The following KIT variants were observed in gnomAD, a reference collection of about 807,000 sequenced individuals.
KIT encodes the protein KIT proto-oncogene, receptor tyrosine kinase, also known as mast/stem cell growth factor receptor Kit.
Under a neutral mutation model 105.7 loss-of-function variants are expected in KIT, and 16 were observed. That is an observed-to-expected ratio of 0.15 (90% CI 0.10 to 0.23). The LOEUF is 0.23. KIT is among the 10% of genes least tolerant of loss of function. KIT has a pLI of 1.00. For synonymous variants in KIT, 438 were observed against 441.1 expected (o/e 0.99, Z 0.09); for missense variants, 858 against 1,213.8 (o/e 0.71, Z 4.36).
In KIT at chr4:54,709,372, C is replaced by T. The variant is rs533444672; in HGVS notation, c.1116-52C>T. ...CAGGTAGAAACTGAAAAAGACATGC[C>T]TTCCAAGGCATGCTATCCACAGGTG... is the stretch of plus-strand genomic sequence containing the variant. On this transcript the variant is annotated intron_variant, in intron 6 of 20. Coordinates refer to ENST00000288135, the MANE Select transcript of KIT (RefSeq NM_000222.3). The T allele has an allele frequency of 3.0e-5, 35 of 1,147,752 alleles. No individual in the cohort carries two copies. The African/African-American group carries it at 3.5e-4, about 11-fold the overall frequency. 71.1% of individuals were successfully genotyped at this position (1,147,752 alleles called of 1,614,324 possible).
chr4:54,704,505 G>A (rs1023433584), intron 5 of KIT, among the ~76,000 whole-genome samples: 4 of 151,794 alleles, frequency 2.6e-5, no homozygotes, highest in East Asian at 1.9e-4. Context: ...ATCTGTCCCC[G>A]GACCCCATCA....
intron 17 of KIT, among the ~76,000 whole-genome samples, chr4:54,735,044 A>T (rs1020143365): frequency 6.6e-6 from 1 of 152,192 alleles, no homozygotes; most frequent in Non-Finnish European, 1.5e-5. Flanking sequence ...TAATGTAAAT[A>T]TGATTTTGAG....
Position 54,672,180 on chromosome 4 carries a change from G to T in KIT, c.67+14099G>T, listed in dbSNP as rs147536117. ...TCTCTGTAGGTGTTAGCCCCGTTTTGGTTAAGGAAACTGCAGTTGTCCTGT... is the reference window on the plus strand; with the variant it reads ...TCTCTGTAGGTGTTAGCCCCGTTTTTGTTAAGGAAACTGCAGTTGTCCTGT... On this transcript the variant is annotated intron_variant, in intron 1 of 20. Transcript: ENST00000288135. Among the ~76,000 whole-genome samples, 591 of 152,288 alleles carry T rather than the reference G, an allele frequency of 3.9e-3. 4 individuals carry two copies. The highest frequency in any genetic ancestry group is 0.014 in the African/African-American group (572 of 41,552).
intron 7 of KIT, among the ~76,000 whole-genome samples, chr4:54,717,794 A>G (rs1346714112): frequency 2.0e-5 from 3 of 152,100 alleles, no homozygotes; most frequent in African/African-American, 4.8e-5. Context: ...TTATGTTGCA[A>G]AATGAATTAG....
chr4:54,723,885 G>C (rs1387330211), intron 8 of KIT, among the ~76,000 whole-genome samples, 187 bp downstream of exon 8: 1 of 151,946 alleles, frequency 6.6e-6, no homozygotes, highest in Non-Finnish European at 1.5e-5. Context: ...AATTTTGTTT[G>C]CTGAAAAATC....
At chr4:54,728,613 G>A (rs1488089782) in intron 13 of KIT, among the ~76,000 whole-genome samples, 1 of 152,184 alleles carries the variant, frequency 6.6e-6, no homozygotes, top group African/African-American at 2.4e-5. Context: ...TGTGATGTTT[G>A]CAGAAAGTAT....
In KIT at chr4:54,738,956, C is replaced by T; in HGVS notation, c.*399C>T. 2 of 520,978 alleles carry T rather than the reference C, an allele frequency of 3.8e-6. No homozygotes were observed. The highest frequency in any genetic ancestry group is 6.7e-6 in the Non-Finnish European group (2 of 298,212). The allele number at this position is 520,978 out of a possible 1,614,324, so 32.3% of individuals were successfully genotyped here. ...AACCATCCATAGTAGTATGATGATA[C>T]AAGATTAGAAGCTGAAAACCTAAGT... On this transcript the variant is annotated 3_prime_UTR_variant, in exon 21 of 21. Transcript: ENST00000288135.
chr4:54,683,462 C>T (rs896055080), intron 1 of KIT, among the ~76,000 whole-genome samples: 8 of 152,174 alleles, frequency 5.3e-5, no homozygotes, highest in Non-Finnish European at 1.0e-4. Context: ...CATAGTGAGA[C>T]CTCGTTCTCC....
chr4:54,663,694 A>G (rs1282377320), intron 1 of KIT, among the ~76,000 whole-genome samples: 1 of 152,102 alleles, frequency 6.6e-6, no homozygotes, highest in Non-Finnish European at 1.5e-5. Context: ...CTGTAGGTGA[A>G]TAAGTACATG....
At chr4:54,691,062 G>A (rs753842436) in intron 1 of KIT, among the ~76,000 whole-genome samples, 37 of 152,020 alleles carry the variant, frequency 2.4e-4, no homozygotes, top group Non-Finnish European at 5.0e-4. Context: ...TATTTGGAGG[G>A]ATGCATGGCT....
intron 17 of KIT, among the ~76,000 whole-genome samples, chr4:54,735,925 G>C (rs961923179): frequency 2.0e-4 from 30 of 152,080 alleles, no homozygotes; most frequent in African/African-American, 6.0e-4. Flanking sequence ...ATGACCACCA[G>C]GTGGATAGCC....
intron 13 of KIT, 107 bp from the exon 14 acceptor site, chr4:54,729,228 C>A: frequency 8.4e-7 from 1 of 1,187,062 alleles, no homozygotes; most frequent in Non-Finnish European, 1.2e-6. Context: ...GTCTGATCCA[C>A]TGAAGCTGAA....
At chr4:54,661,459 G>A (rs959334536) in intron 1 of KIT, among the ~76,000 whole-genome samples, 3 of 152,280 alleles carry the variant, frequency 2.0e-5, no homozygotes, top group East Asian at 1.9e-4. Flanking sequence ...AGAAGGACAC[G>A]AGGAAATGAA....
intron 1 of KIT, among the ~76,000 whole-genome samples, chr4:54,680,407 A>G (rs1400258051): frequency 1.0e-5 from 1 of 95,624 alleles, no homozygotes; most frequent in Non-Finnish European, 1.8e-5. Flanking sequence ...TTTTTTTTTA[A>G]TGAGAAGGAG....
intron 7 of KIT, 69 bp from the exon 8 acceptor site, chr4:54,723,515 A>G: frequency 1.0e-6 from 1 of 972,686 alleles, no homozygotes; most frequent in South Asian, 1.3e-5. Context: ...GGGATTAGAG[A>G]GGGAGTGAAG....
intron 1 of KIT, among the ~76,000 whole-genome samples, chr4:54,690,213 C>T (rs980397328): frequency 3.3e-5 from 5 of 152,012 alleles, no homozygotes; most frequent in African/African-American, 1.2e-4. Flanking sequence ...CATTGGTGTA[C>T]AAGTATGGGT....
intron 1 of KIT, among the ~76,000 whole-genome samples, chr4:54,673,456 T>C (rs80094858): frequency 0.024 from 3,619 of 152,318 alleles, 73 homozygotes; most frequent in Middle Eastern, 0.037. Context: ...AATGATTATT[T>C]TCTTTATTTT....
At chr4:54,694,660 G>A (rs188796482) in intron 1 of KIT, among the ~76,000 whole-genome samples, 8 of 152,282 alleles carry the variant, frequency 5.3e-5, no homozygotes, top group East Asian at 1.9e-4. Flanking sequence ...GATTACAGGC[G>A]TGAGCCACGG....
chr4:54,710,417 T>C (rs1721071539), intron 7 of KIT, among the ~76,000 whole-genome samples: 1 of 152,180 alleles, frequency 6.6e-6, no homozygotes, highest in Non-Finnish European at 1.5e-5. Context: ...GAATATTTCA[T>C]AGAAAAGAGC....
Sources: gnomAD v4.1 joint callset for allele counts (sites outside exome capture counted in the v4.1 genomes callset) on GRCh38, gnomAD v4.1.1 for gene constraint, MANE v1.5 for transcripts, NCBI Gene and HGNC (gene_info 2026-07-23, HGNC 2026-07-21) for gene names.